The following NRDE2 variants were observed in gnomAD, a reference collection of about 807,000 sequenced individuals.
The protein encoded by NRDE2 is nuclear exosome regulator NRDE2.
A neutral mutation model predicts 124.2 loss-of-function variants in NRDE2; 76 were observed. The observed-to-expected ratio is 0.61, with a 90% CI of 0.51 to 0.74. The LOEUF (loss-of-function observed/expected upper bound fraction) is 0.74, where lower values mean the gene tolerates loss of function less well. NRDE2 is among the 30% of genes least tolerant of loss of function. The probability of loss-of-function intolerance (pLI) is 0.00; values close to 1 mark genes in which losing one functional copy is unlikely to be tolerated. For missense variants in NRDE2, 1,314 were observed against 1,417.3 expected (o/e 0.93, Z 1.17); for synonymous variants, 489 against 528.1 (o/e 0.93, Z 1.01).
chr14:90,280,062 AG>A (rs1435779501), intron 12 of NRDE2: 1 of 151,964 alleles, frequency 6.6e-6, no homozygotes, highest in Non-Finnish European at 1.5e-5. Context: ...TTTACATCTC[AG>A]GAACTCCATC....
At position 90,271,841 on chromosome 14, in the gene NRDE2, A is replaced by G. The variant is rs4904665; in HGVS notation, c.*6495T>C. ...TTTTTTAAAAATCAAATCTTTCCCA[A>G]ATAAGCAATTTGTGTTTAGTCTAGG... On this transcript the variant is annotated 3_prime_UTR_variant, in exon 14 of 14. Transcript: ENST00000354366. The G allele has an allele frequency of 7.7e-3, 1,175 of 152,656 alleles. 9 individuals carry two copies. The highest frequency in any genetic ancestry group is 8.3e-3 in the Non-Finnish European group (565 of 68,274). 9.5% of individuals were successfully genotyped at this position (152,656 alleles called of 1,614,324 possible).
chr14:90,315,617 C>G (rs536046903), intron 3 of NRDE2, among the ~76,000 whole-genome samples: 1 of 152,100 alleles, frequency 6.6e-6, no homozygotes, highest in African/African-American at 2.4e-5. Context: ...TATTGAGCAC[C>G]TATGCTGTGG....
intron 3 of NRDE2, among the ~76,000 whole-genome samples, chr14:90,313,620 G>A (rs1884934623): frequency 6.6e-6 from 1 of 152,168 alleles, no homozygotes; most frequent in South Asian, 2.1e-4. Context: ...GTGAGAGGGA[G>A]GGAAGGTTTC....
At position 90,303,984 on chromosome 14, in the gene NRDE2, C is replaced by G; in HGVS notation, c.956G>C (p.Arg319Pro). 1 of 1,613,858 alleles carries G rather than the reference C, an allele frequency of 6.2e-7. No individual in the cohort carries two copies. The change falls in exon 5 of 14, where the codon CGG becomes CCG. Residue 319 changes from arginine to proline, a missense_variant. Physicochemically the swap from Arg to Pro is moderately radical, Grantham distance 103. Transcript: ENST00000354366. ...CAGCTGCGTATCCCGAGGATTCTCC[C>G]GCACCCTCCTGTTAAACTCCTCCAC... is the stretch of plus-strand genomic sequence containing the variant. ...AKVEEFNRRV[R>P]ENPRDTQLWM...
chr14:90,325,639 C>T (rs895890460), intron 1 of NRDE2, among the ~76,000 whole-genome samples: 10 of 152,178 alleles, frequency 6.6e-5, no homozygotes, highest in African/African-American at 2.2e-4. Context: ...AATCCTCCCA[C>T]CTCAACCTCC....
rs1299485944 is a variant in NRDE2 at position 90,288,738 on chromosome 14, C to T, written c.2637G>A (p.Glu879=). 6.2e-7 allele frequency: 1 copy of T among 1,614,146 alleles called. No individual in the cohort carries two copies. The highest frequency in any genetic ancestry group is 1.1e-5 in the South Asian group (1 of 91,086). Residue 879 remains glutamate (E), a synonymous_variant, in exon 11 of 14, where the codon GAG becomes GAA. Transcript: ENST00000354366. Reference sequence around the variant, plus strand: ...CACCCAAACAGTCCTGCAGTGCGTGCTCATAAGCCTTTCGCGCTTTCAAAA... The same window carrying T: ...CACCCAAACAGTCCTGCAGTGCGTGTTCATAAGCCTTTCGCGCTTTCAAAA... ...VHILKARKAY[E]HALQDCLGDS...
chr14:90,270,597 A>C lies in NRDE2; in HGVS notation c.*7739T>G. 1 of 392,500 alleles carries C rather than the reference A, an allele frequency of 2.5e-6. No homozygotes were observed. Among genetic ancestry groups the C allele is most frequent in the South Asian group, 5.3e-5 (1 of 18,870 alleles). The allele number at this position is 392,500 out of a possible 1,614,324, so 24.3% of individuals were successfully genotyped here. Reference sequence around the variant, plus strand: ...GCCACAAGGCTGAGTCGCTGGTACTAAGCCTTAGGCCCAGGTGACTTTCTC... The same window carrying C: ...GCCACAAGGCTGAGTCGCTGGTACTCAGCCTTAGGCCCAGGTGACTTTCTC... On this transcript the variant is annotated 3_prime_UTR_variant, in exon 14 of 14. Transcript: ENST00000354366.
intron 7 of NRDE2, among the ~76,000 whole-genome samples, chr14:90,298,722 A>C (rs1884276120): frequency 6.6e-6 from 1 of 152,212 alleles, no homozygotes; most frequent in Non-Finnish European, 1.5e-5. Context: ...GAGGTTCAGC[A>C]AGAAGGGTCT....
chr14:90,327,527 C>T (rs570769494), intron 1 of NRDE2, among the ~76,000 whole-genome samples: 27 of 149,964 alleles, frequency 1.8e-4, no homozygotes, highest in African/African-American at 5.7e-4. Context: ...CCAACCTGGG[C>T]GACAGAGTGA....
intron 12 of NRDE2, chr14:90,281,343 G>A (rs1157190931): frequency 6.6e-6 from 1 of 152,500 alleles, no homozygotes. Context: ...GAGCTCAGGA[G>A]GTTGAGGCTG....
Position 90,276,338 on chromosome 14 carries a change from C to A in NRDE2, c.*1998G>T, listed in dbSNP as rs1362069079. 1.3e-5 allele frequency: 2 copies of A among 149,514 alleles called. No homozygotes were observed. The highest frequency in any genetic ancestry group is 2.9e-5 in the Non-Finnish European group (2 of 67,830). The allele number at this position is 149,514 out of a possible 1,614,324, so 9.3% of individuals were successfully genotyped here. ...GGTTCACGCCATTCTCCTGCCTTAG[C>A]CTTCCGAGTAGCTGGGACTACAGGC... On this transcript the variant is annotated 3_prime_UTR_variant, in exon 14 of 14. Transcript: ENST00000354366.
At chr14:90,297,372 A>G (rs1250134269) in intron 8 of NRDE2, among the ~76,000 whole-genome samples, 2 of 152,184 alleles carry the variant, frequency 1.3e-5, no homozygotes, top group Non-Finnish European at 2.9e-5. Flanking sequence ...AAAATACACT[A>G]TCAAAATTAA....
intron 11 of NRDE2, 61 bp downstream of exon 11, chr14:90,288,156 C>G (rs568362499): frequency 6.7e-7 from 1 of 1,498,462 alleles, no homozygotes; most frequent in African/African-American, 1.4e-5. Flanking sequence ...AAGGTCAGGG[C>G]AACACAGCAA....
In NRDE2 at chr14:90,312,545, T is replaced by C. The variant is rs1481257698; in HGVS notation, c.408-2A>G. 2 of 1,613,964 alleles carry C rather than the reference T, an allele frequency of 1.2e-6. No homozygotes were observed. The highest frequency in any genetic ancestry group is 1.7e-6 in the Non-Finnish European group (2 of 1,179,990). ...TCAGCTGCAGCATTATTTCCTTGAC[T>C]GTGGGACAAAGGAAGAAGAAGAAGG... On this transcript the variant is annotated splice_acceptor_variant, in intron 3 of 13. Transcript: ENST00000354366. LOFTEE classifies it high-confidence loss of function.
Position 90,268,118 on chromosome 14 carries a change from G to GGC in NRDE2, c.*10217_*10218insGC. 1 of 868,720 alleles carries GGC rather than the reference G, an allele frequency of 1.2e-6. No individual in the cohort carries two copies. The highest frequency in any genetic ancestry group is 1.7e-6 in the Non-Finnish European group (1 of 585,092). The allele number at this position is 868,720 out of a possible 1,614,324, so 53.8% of individuals were successfully genotyped here. On this transcript the variant is annotated 3_prime_UTR_variant, in exon 14 of 14. Coordinates refer to ENST00000354366, the MANE Select transcript of NRDE2 (RefSeq NM_017970.4). ...ATTGGTGCCATGCCTTAGCATGAGG[G>GGC]CCCGCCTGTTTTTGGTGTCCATTTA... is the stretch of plus-strand genomic sequence containing the variant.
chr14:90,294,628 G>A (rs931648842), intron 8 of NRDE2, among the ~76,000 whole-genome samples: 2 of 152,140 alleles, frequency 1.3e-5, no homozygotes, highest in Admixed American at 6.5e-5. Flanking sequence ...GGTTCCTAAC[G>A]TAGTCACATT....
In NRDE2 at chr14:90,268,196, T is replaced by TG; in HGVS notation, c.*10139_*10140insC. 1 of 1,539,122 alleles carries TG rather than the reference T, an allele frequency of 6.5e-7. No individual in the cohort carries two copies. ...TAAAATGGCACTTAAGGTGTCTTTT[T>TG]TTTTTTTATCTTTTTCATCCAAAAT... is the stretch of plus-strand genomic sequence containing the variant. On this transcript the variant is annotated 3_prime_UTR_variant, in exon 14 of 14. Coordinates refer to ENST00000354366, the MANE Select transcript of NRDE2 (RefSeq NM_017970.4).
chr14:90,309,149 G>A (rs777558283), intron 4 of NRDE2, among the ~76,000 whole-genome samples: 8 of 151,882 alleles, frequency 5.3e-5, no homozygotes, highest in Non-Finnish European at 1.2e-4. Flanking sequence ...GAGTTGGGTC[G>A]CACGCATTGG....
rs576478006 is a variant in NRDE2 at position 90,327,036 on chromosome 14, C to G, written c.64+4805G>C. ...CGAATTCATGATGTATTTTTCTCTT[C>G]CTGGTTCCATCCACTGAAAAAGTCT... On this transcript the variant is annotated intron_variant, in intron 1 of 13. Coordinates refer to ENST00000354366, the MANE Select transcript of NRDE2 (RefSeq NM_017970.4). Among the ~76,000 whole-genome samples the G allele has an allele frequency of 2.1e-3, 324 of 152,330 alleles. 3 individuals are homozygous for G. Among genetic ancestry groups the G allele is most frequent in the African/African-American group, 7.6e-3 (315 of 41,574 alleles).
Sources: allele counts gnomAD v4.1 joint callset (sites outside exome capture counted in the v4.1 genomes callset), GRCh38; gene constraint gnomAD v4.1.1; transcripts MANE v1.5; gene names NCBI Gene and HGNC (gene_info 2026-07-23, HGNC 2026-07-21).